The following TMEM117 variants were observed in gnomAD, a reference collection of about 807,000 sequenced individuals.
TMEM117 encodes transmembrane protein 117.
A neutral mutation model predicts 52.4 loss-of-function variants in TMEM117; 27 were observed. The ratio of observed to expected loss-of-function variants is 0.51; its 90% CI spans 0.38 to 0.71. TMEM117 has a LOEUF of 0.71. Among genes scored for constraint, TMEM117 ranks in the 30% least tolerant of loss-of-function variants. The pLI is 0.00. For missense variants in TMEM117, 556 were observed against 630.5 expected, an observed-to-expected ratio of 0.88 and a Z score of 1.26; for synonymous variants, 215 against 206.3, an observed-to-expected ratio of 1.04 and a Z score of -0.36.
chr12:44,331,666 A>G (rs1262552842), intron 6 of TMEM117, among the ~76,000 whole-genome samples: 1 of 152,112 alleles, frequency 6.6e-6, no homozygotes, highest in Non-Finnish European at 1.5e-5. Context: ...GTTCATTTAC[A>G]TTTAATGGAC....
chr12:43,832,413 T>C (rs1193946352), upstream of TMEM117, among the ~76,000 whole-genome samples: 2 of 152,222 alleles, frequency 1.3e-5, no homozygotes, highest in African/African-American at 2.4e-5. Flanking sequence ...GACTGAAGAA[T>C]AGGAAGAACA....
intron 2 of TMEM117, among the ~76,000 whole-genome samples, chr12:43,885,259 T>G (rs1444052563): frequency 6.6e-6 from 1 of 152,272 alleles, no homozygotes; most frequent in African/African-American, 2.4e-5. Context: ...GCGGGCTGTG[T>G]AAGGACACTG....
At chr12:43,895,259 T>C (rs1409241997) in intron 2 of TMEM117, among the ~76,000 whole-genome samples, 1 of 152,192 alleles carries the variant, frequency 6.6e-6, no homozygotes, top group Admixed American at 6.5e-5. Flanking sequence ...TTTGGTTTTG[T>C]GTTCCTGTGT....
chr12:44,269,213 A>G (rs1950417291), intron 5 of TMEM117, among the ~76,000 whole-genome samples: 1 of 152,114 alleles, frequency 6.6e-6, no homozygotes, highest in African/African-American at 2.4e-5. Context: ...ACACATGCAA[A>G]TGGTAAAAAC....
intron 6 of TMEM117, among the ~76,000 whole-genome samples, chr12:44,310,703 C>G (rs1284577418): frequency 2.0e-5 from 3 of 152,168 alleles, no homozygotes; most frequent in Non-Finnish European, 4.4e-5. Context: ...ATCAGAAGAG[C>G]TCCAGGAGTT....
At chr12:43,844,261 A>C (rs1943162233) in intron 1 of TMEM117, among the ~76,000 whole-genome samples, 1 of 152,212 alleles carries the variant, frequency 6.6e-6, no homozygotes, top group South Asian at 2.1e-4. Context: ...CAGGAGGTGG[A>C]GGCTGCAATG....
chr12:44,272,867 C>T (rs1592655979), intron 5 of TMEM117, among the ~76,000 whole-genome samples: 1 of 152,298 alleles, frequency 6.6e-6, no homozygotes, highest in East Asian at 1.9e-4. Context: ...CATCCCATTA[C>T]TGGGTATATA....
chr12:44,313,903 T>C (rs558340343), intron 6 of TMEM117, among the ~76,000 whole-genome samples: 2 of 152,282 alleles, frequency 1.3e-5, no homozygotes, highest in East Asian at 3.9e-4. Flanking sequence ...GGCTCTCAGC[T>C]TGAACCTCTT....
intron 6 of TMEM117, among the ~76,000 whole-genome samples, chr12:44,316,996 CTTTTTCTTTTTTT>C (rs1418818409): frequency 6.6e-5 from 9 of 136,550 alleles, no homozygotes; most frequent in Non-Finnish European, 1.4e-4. Context: ...ATTTCTTTTT[CTTTTTCTTTTTTT>C]TTTTTTTTTT....
At chr12:44,044,458 A>G (rs1350118643) in intron 3 of TMEM117, among the ~76,000 whole-genome samples, 1 of 152,208 alleles carries the variant, frequency 6.6e-6, no homozygotes, top group Non-Finnish European at 1.5e-5. Context: ...TCCTGCCATA[A>G]TGTGGAGAAT....
intron 3 of TMEM117, among the ~76,000 whole-genome samples, chr12:44,057,560 C>G (rs984565506): frequency 6.7e-6 from 1 of 149,854 alleles, no homozygotes; most frequent in South Asian, 2.1e-4. Context: ...GAAAATTTGC[C>G]ATAGAAAGTC....
intron 3 of TMEM117, among the ~76,000 whole-genome samples, chr12:44,029,731 T>C (rs1946602594): frequency 1.3e-5 from 2 of 152,250 alleles, no homozygotes; most frequent in African/African-American, 4.8e-5. Context: ...ATTTGGTGTG[T>C]GTGTCTTTCT....
intron 4 of TMEM117, among the ~76,000 whole-genome samples, chr12:44,198,295 C>A (rs544900125): frequency 2.7e-4 from 41 of 152,172 alleles, no homozygotes; most frequent in African/African-American, 8.4e-4. Flanking sequence ...TACATAGTGT[C>A]AAAGACATGA....
intron 3 of TMEM117, among the ~76,000 whole-genome samples, chr12:44,024,559 G>C (rs746517210): frequency 6.8e-6 from 1 of 148,032 alleles, no homozygotes; most frequent in Non-Finnish European, 1.5e-5. Flanking sequence ...AGGAAGAATG[G>C]AAGGAAGGCA....
chr12:43,968,929 GA>G (rs1256899810), intron 3 of TMEM117, among the ~76,000 whole-genome samples: 1 of 152,126 alleles, frequency 6.6e-6, no homozygotes, highest in Non-Finnish European at 1.5e-5. Flanking sequence ...AGCTTTGTGT[GA>G]CACGCGGATT....
At chr12:44,137,356 C>A (rs1948506134) in intron 3 of TMEM117, among the ~76,000 whole-genome samples, 2 of 151,842 alleles carry the variant, frequency 1.3e-5, no homozygotes, top group Admixed American at 6.6e-5. Context: ...GCATTCTGGG[C>A]AGCCATTATA....
the TMEM117 span, among the ~76,000 whole-genome samples, chr12:43,800,193 A>G: frequency 6.6e-6 from 1 of 152,208 alleles, no homozygotes; most frequent in Non-Finnish European, 1.5e-5. Flanking sequence ...TATATTTACC[A>G]TATACTTTAG....
chr12:44,167,571 G>A (rs1172539223), intron 4 of TMEM117, among the ~76,000 whole-genome samples: 1 of 152,112 alleles, frequency 6.6e-6, no homozygotes, highest in Non-Finnish European at 1.5e-5. Flanking sequence ...GGAGGCTGAG[G>A]CAGGAGCATC....
At position 44,307,417 on chromosome 12, in the gene TMEM117, A is replaced by C. The variant is rs146787032; in HGVS notation, c.768+7678A>C. Among the ~76,000 whole-genome samples the C allele has an allele frequency of 2.4e-3, 358 of 152,304 alleles. 2 individuals carry two copies. The highest frequency in any genetic ancestry group is 3.4e-3 in the Middle Eastern group (1 of 294). On this transcript the variant is annotated intron_variant, in intron 6 of 7. Transcript: ENST00000266534. ...CAAACTATTTTAAGTTCCTCTTTAC[A>C]TGTGTTTAACATCTTCATTTTTCCT... is the stretch of plus-strand genomic sequence containing the variant.
Sources: gnomAD v4.1 joint callset for allele counts (sites outside exome capture counted in the v4.1 genomes callset) on GRCh38, gnomAD v4.1.1 for gene constraint, MANE v1.5 for transcripts, NCBI Gene and HGNC (gene_info 2026-07-23, HGNC 2026-07-21) for gene names.